The following ZAN variants were observed in gnomAD, a reference collection of about 807,000 sequenced individuals.
ZAN encodes zonadhesin (gene/pseudogene).
ZAN carries 260 observed loss-of-function variants against 286.2 expected under a neutral mutation model. That is an observed-to-expected ratio of 0.91 (90% CI 0.82 to 1.01). The LOEUF (loss-of-function observed/expected upper bound fraction) is 1.01, where lower values mean the gene tolerates loss of function less well. Among genes scored for constraint, ZAN ranks in the 50% least tolerant of loss-of-function variants. The pLI is 0.00. For missense variants in ZAN, 3,410 were observed against 3,639.2 expected (o/e 0.94, Z 1.62); for synonymous variants, 1,368 against 1,417.5 (o/e 0.97, Z 0.79).
chr7:100,747,620 CA>C lies in ZAN; in HGVS notation c.1003del (p.Thr335GlnfsTer11). The C allele has an allele frequency of 3.7e-6, 6 of 1,613,790 alleles. No homozygotes were observed. The highest frequency in any genetic ancestry group is 5.1e-6 in the Non-Finnish European group (6 of 1,179,814). Reference sequence around the variant, plus strand: ...ACTGGCAGGCTGTTTCTGTCAATTACACAGCCGTGGGACGGATACAGGTACA... The same window carrying C: ...ACTGGCAGGCTGTTTCTGTCAATTACCAGCCGTGGGACGGATACAGGTACA... ...PNWQAVSVNYTAVGRIQFAVV... is the reference protein window; with the variant it reads ...PNWQAVSVNYXAVGRIQFAVV... On this transcript the variant is annotated frameshift_variant, in exon 9 of 48. Transcript: ENST00000613979. LOFTEE classifies it high-confidence loss of function.
At chr7:100,762,632 C>T (rs1809678742) in intron 20 of ZAN, among the ~76,000 whole-genome samples, 1 of 151,792 alleles carries the variant, frequency 6.6e-6, no homozygotes, top group Non-Finnish European at 1.5e-5. Flanking sequence ...ACCATGCTGG[C>T]CAGGCTGGTC....
Position 100,763,902 on chromosome 7 carries a change from TCA to T in ZAN, c.4084_4085del (p.His1362TrpfsTer4). On this transcript the variant is annotated frameshift_variant, in exon 21 of 48. Coordinates refer to ENST00000613979, the MANE Select transcript of ZAN (RefSeq NM_003386.3). LOFTEE classifies it high-confidence loss of function. The surrounding 1 kb of genome is among the most constrained non-coding windows in gnomAD (Gnocchi z 4.6). ...PGFCGRLVDTHGPFETCLLHV... is the reference protein window; with the variant it reads ...PGFCGRLVDTXGPFETCLLHV... The stretch of plus-strand genomic sequence containing the variant: ...GGTTCTGTGGACGGCTGGTCGACAC[TCA>T]TGGCCCATTTGAGTATGAAGGAGGG... 6.2e-7 allele frequency: 1 copy of T among 1,613,964 alleles called. No individual in the cohort carries two copies. Among genetic ancestry groups the T allele is most frequent in the East Asian group, 2.2e-5 (1 of 44,882 alleles).
chr7:100,763,937 G>C lies in ZAN; in HGVS notation c.4097+21G>C. The C allele has an allele frequency of 1.2e-6, 2 of 1,609,374 alleles. No individual in the cohort carries two copies. The highest frequency in any genetic ancestry group is 1.7e-6 in the Non-Finnish European group (2 of 1,178,310). ...TTTGAGTATGAAGGAGGGCAGGCAG[G>C]GTCGCACAGGGGCGATGCTTGGCAC... On this transcript the variant is annotated intron_variant, in intron 21 of 47. Transcript: ENST00000613979. This position sits in a 1 kb window ranked among gnomAD's most constrained non-coding sequence, Gnocchi z 4.6.
chr7:100,773,498 GA>G lies in ZAN; in HGVS notation c.5634+6del, dbSNP rs1379801371. ...CCAGCGGGCTCCTACCACCCGGTGA[GA>G]GGCCAGCTAGGAGGGGCCCCGCCCT... On this transcript the variant is annotated splice_donor_region_variant and intron_variant, in intron 30 of 47. Transcript: ENST00000613979. 3.1e-6 allele frequency: 5 copies of G among 1,612,756 alleles called. No homozygotes were observed. Among genetic ancestry groups the G allele is most frequent in the Admixed American group, 3.3e-5 (2 of 59,932 alleles).
Position 100,752,942 on chromosome 7 carries a change from A to T in ZAN, c.2837A>T (p.Glu946Val), listed in dbSNP as rs1370252889. Residue 946 changes from glutamate to valine, a missense_variant, in exon 14 of 48, where the codon GAA (glutamate) becomes GTA (valine). Glu to Val is a moderately radical substitution (Grantham distance 121). Transcript: ENST00000613979. Reference protein sequence around the residue: ...ISTEKLTIPTEKPTISPEKLT... With the variant: ...ISTEKLTIPTVKPTISPEKLT... The stretch of plus-strand genomic sequence containing the variant: ...ACAGAAAAACTCACCATCCCCACAG[A>T]AAAACCCACCATCTCCCCAGAAAAA... 5 of 1,609,648 alleles carry T rather than the reference A, an allele frequency of 3.1e-6. No individual in the cohort carries two copies. The African/African-American group carries it at 5.4e-5, about 17-fold the overall frequency.
At chr7:100,785,443 C>T (rs1202071400) in intron 36 of ZAN, among the ~76,000 whole-genome samples, 1 of 151,972 alleles carries the variant, frequency 6.6e-6, no homozygotes, top group African/African-American at 2.4e-5. Flanking sequence ...GTTGGCCAGG[C>T]TGGTCTCGAA....
intron 44 of ZAN, among the ~76,000 whole-genome samples, chr7:100,794,479 C>T (rs571227041): frequency 2.0e-5 from 3 of 152,298 alleles, no homozygotes; most frequent in East Asian, 1.9e-4. Flanking sequence ...TCTCCTTCAG[C>T]CCTGATGGTT....
In ZAN at chr7:100,771,758, G is replaced by A. The variant is rs1348913648; in HGVS notation, c.5249-86G>A. ...GAAAATCCAGGTTTTGACTGAAGTG[G>A]ATGTCGAATCAGCCCCAGGGAAGCC... On this transcript the variant is annotated intron_variant, in intron 28 of 47. Transcript: ENST00000613979. 7.8e-6 allele frequency: 11 copies of A among 1,405,502 alleles called. No individual in the cohort carries two copies. The East Asian group carries it at 1.6e-4, about 21-fold the overall frequency. The allele number at this position is 1,405,502 out of a possible 1,614,324, so 87.1% of individuals were successfully genotyped here.
At chr7:100,792,543 C>A in intron 42 of ZAN, 64 bp downstream of exon 42, 1 of 1,603,928 alleles carries the variant, frequency 6.2e-7, no homozygotes, top group Non-Finnish European at 8.5e-7. Flanking sequence ...GCACCCTCTG[C>A]GGTGAGGTGT....
In ZAN at chr7:100,757,625, G is replaced by A. The variant is rs182536701; in HGVS notation, c.3310-577G>A. Among the ~76,000 whole-genome samples the A allele has an allele frequency of 4.0e-3, 615 of 151,854 alleles. 4 individuals carry two copies. Among genetic ancestry groups the A allele is most frequent in the African/African-American group, 0.014 (576 of 41,438 alleles). ...CAAAAATTAGCCGGGCGTCGTGGCG[G>A]GTGCCTGTAATCCCAGCTACTCTGG... is the stretch of plus-strand genomic sequence containing the variant. On this transcript the variant is annotated intron_variant, in intron 15 of 47. Transcript: ENST00000613979.
chr7:100,785,983 T>A lies in ZAN; in HGVS notation c.6835-14T>A, dbSNP rs160602. The A allele has an allele frequency of 0.48, 766,758 of 1,609,414 alleles. 195,792 individuals carry two copies. The highest frequency in any genetic ancestry group is 0.59 in the Middle Eastern group (3,564 of 6,038). ...CCCCTCCTCACTCTCTTTCTCTTCC[T>A]GTAACTTCTACAGCTGGGCAAGAGC... On this transcript the variant is annotated splice_polypyrimidine_tract_variant and intron_variant, in intron 36 of 47. Transcript: ENST00000613979.
Position 100,751,897 on chromosome 7 carries a change from C to G in ZAN, c.1792C>G (p.Pro598Ala), listed in dbSNP as rs767193240. 6.2e-7 allele frequency: 1 copy of G among 1,613,212 alleles called. No homozygotes were observed. The highest frequency in any genetic ancestry group is 1.7e-5 in the Admixed American group (1 of 59,844). Reference sequence around the variant, plus strand: ...AAAGCCCACCATTCCCACAGAAAAACCCACCATCTCCACAGAAAAACCCAC... The same window carrying G: ...AAAGCCCACCATTCCCACAGAAAAAGCCACCATCTCCACAGAAAAACCCAC... Reference protein sequence around the residue: ...KEKPTIPTEKPTISTEKPTIP... With the variant: ...KEKPTIPTEKATISTEKPTIP... The change falls in exon 14 of 48, where the codon CCC becomes GCC. Residue 598 changes from proline (P) to alanine (A), a missense_variant. Physicochemically the swap from Pro to Ala is conservative, Grantham distance 27 (BLOSUM62 -1). Around this residue, in one of 7 missense-constraint regions of ZAN, gnomAD observed 872 missense variants for 938.9 expected, o/e 0.93. Coordinates refer to ENST00000613979, the MANE Select transcript of ZAN (RefSeq NM_003386.3).
intron 11 of ZAN, among the ~76,000 whole-genome samples, chr7:100,749,687 C>CAT (rs1808503595): frequency 2.2e-5 from 3 of 136,006 alleles, no homozygotes; most frequent in Non-Finnish European, 4.7e-5. Flanking sequence ...CACACACACA[C>CAT]ATATATATAC....
Position 100,767,184 on chromosome 7 carries a change from T to A in ZAN, c.4787T>A (p.Val1596Asp). Residue 1596 changes from valine to aspartate, a missense_variant, in exon 25 of 48, where the codon GTC becomes GAC. By Grantham distance (152) the Val-to-Asp change is radical. Coordinates refer to ENST00000613979, the MANE Select transcript of ZAN (RefSeq NM_003386.3). The stretch of plus-strand genomic sequence containing the variant: ...GAGAACCGCGGGGGGATCCTGGAGG[T>A]CTCCTACATCAAAGCCGTCCACGTG... ...TNENRGGILE[V>D]SYIKAVHVTV... The A allele has an allele frequency of 1.2e-6, 2 of 1,612,870 alleles. No individual in the cohort carries two copies. The highest frequency in any genetic ancestry group is 1.7e-6 in the Non-Finnish European group (2 of 1,179,634).
chr7:100,753,118 C>T lies in ZAN; in HGVS notation c.3013C>T (p.Pro1005Ser). 4 of 1,613,946 alleles carry T rather than the reference C, an allele frequency of 2.5e-6. No individual in the cohort carries two copies. Among genetic ancestry groups the T allele is most frequent in the African/African-American group, 1.3e-5 (1 of 75,066 alleles). Reference protein sequence around the residue: ...EKLTALRPPHPSPTATGLAAL... With the variant: ...EKLTALRPPHSSPTATGLAAL... ...GCTCACAGCCCTGAGGCCACCCCAT[C>T]CCAGCCCCACAGCCACTGGGCTGGC... is the stretch of plus-strand genomic sequence containing the variant. The change falls in exon 14 of 48, where the codon CCC (proline) becomes TCC (serine). Residue 1005 changes from proline (P) to serine (S), a missense_variant. This residue lies in a region of ZAN where 1,042 missense variants were observed against 1,058.0 expected (regional missense o/e 0.98). Transcript: ENST00000613979.
chr7:100,747,010 G>A (rs1203336165), intron 8 of ZAN, among the ~76,000 whole-genome samples: 1 of 152,056 alleles, frequency 6.6e-6, no homozygotes, highest in Non-Finnish European at 1.5e-5. Context: ...CTTGAACCCG[G>A]GAGGCGGAGG....
Position 100,738,431 on chromosome 7 carries a change from T to G in ZAN, c.614-30T>G. 2 of 1,444,012 alleles carry G rather than the reference T, an allele frequency of 1.4e-6. 1 individual carries two copies. Among genetic ancestry groups the G allele is most frequent in the Non-Finnish European group, 1.9e-6 (2 of 1,061,790 alleles). The allele number at this position is 1,444,012 out of a possible 1,614,324, so 89.4% of individuals were successfully genotyped here. On this transcript the variant is annotated intron_variant, in intron 6 of 47. Coordinates refer to ENST00000613979, the MANE Select transcript of ZAN (RefSeq NM_003386.3). ...CCTGTCTCTAAAAAAGAAGAAAACA[T>G]TATATCTTCCCTTCTTTCTTTCCTC...
chr7:100,776,749 G>A (rs1405419439), intron 34 of ZAN, among the ~76,000 whole-genome samples, 185 bp downstream of exon 34: 6 of 38,432 alleles, frequency 1.6e-4, no homozygotes, highest in African/African-American at 2.3e-4. Flanking sequence ...TTTTTGAGAC[G>A]GAGTCTTGCT....
intron 35 of ZAN, 81 bp from the exon 36 acceptor site, chr7:100,784,542 C>T: frequency 7.1e-7 from 1 of 1,413,360 alleles, no homozygotes; most frequent in Non-Finnish European, 9.8e-7. Context: ...GTCATCCACC[C>T]ATAGCTTGGT....
Sources: gnomAD v4.1 joint callset for allele counts (sites outside exome capture counted in the v4.1 genomes callset) on GRCh38, gnomAD v4.1.1 for gene constraint, gnomAD v4.1.1 regional missense constraint, Gnocchi (gnomAD v3.1) non-coding constraint, MANE v1.5 for transcripts, NCBI Gene and HGNC (gene_info 2026-07-23, HGNC 2026-07-21) for gene names.